Variants in ANK3 observed in about 807,000 individuals in gnomAD.
ANK3 encodes ankyrin-3.
A neutral mutation model predicts 370.9 loss-of-function variants in ANK3; 57 were observed. The ratio of observed to expected loss-of-function variants is 0.15; its 90% CI spans 0.12 to 0.19. ANK3 has a LOEUF of 0.19. ANK3 is among the 10% of genes least tolerant of loss of function. The pLI, the probability that ANK3 is intolerant of heterozygous loss-of-function variation, is 1.00. For missense variants in ANK3, 4,439 were observed against 5,302.1 expected (o/e 0.84, Z 5.06); for synonymous variants, 1,929 against 1,946.3 (o/e 0.99, Z 0.23).
In ANK3 at chr10:60,071,193, G is replaced by A. The variant is rs145590509; in HGVS notation, c.9688C>T (p.Arg3230Cys). The A allele has an allele frequency of 1.2e-5, 19 of 1,613,942 alleles. No homozygotes were observed. Among genetic ancestry groups the A allele is most frequent in the South Asian group, 5.5e-5 (5 of 91,086 alleles). Residue 3230 changes from arginine (R) to cysteine (C), a missense_variant, in exon 37 of 44, where the codon CGT becomes TGT. Arg to Cys is a radical substitution (Grantham distance 180, BLOSUM62 -3). Coordinates refer to ENST00000280772, the MANE Select transcript of ANK3 (RefSeq NM_020987.5). Reference sequence around the variant, plus strand: ...TTGCTCACGTCATTAGGCATTTCACGCTCAACTGCTGTTTCCTCCACTGTA... The same window carrying A: ...TTGCTCACGTCATTAGGCATTTCACACTCAACTGCTGTTTCCTCCACTGTA... ...QTTVEETAVEREMPNDVSKDS... is the reference protein window; with the variant it reads ...QTTVEETAVECEMPNDVSKDS...
chr10:60,199,269 C>T (rs17805456), intron 13 of ANK3, among the ~76,000 whole-genome samples: 14,394 of 152,096 alleles, frequency 0.095, 917 homozygotes, highest in Non-Finnish European at 0.14. Context: ...TGATAAGGTT[C>T]AGGTAAATGG....
Position 60,036,422 on chromosome 10 carries a change from A to ATTTTTTTTTTTTTTTT in ANK3, c.*19+6234_*19+6249dup, listed in dbSNP as rs563946588. The stretch of plus-strand genomic sequence containing the variant: ...CTGCGGAAGAGAGAGGTCAGAGGCA[A>ATTTTTTTTTTTTTTTT]TTTTTTTTTTTTTTTTTTTTTTTTT... On this transcript the variant is annotated intron_variant, in intron 43 of 43. Transcript: ENST00000280772. 8.2e-4 allele frequency among the ~76,000 whole-genome samples: 59 copies of ATTTTTTTTTTTTTTTT among 72,290 alleles called. 10 individuals are homozygous for ATTTTTTTTTTTTTTTT. Among genetic ancestry groups the ATTTTTTTTTTTTTTTT allele is most frequent in the African/African-American group, 3.4e-3 (48 of 14,242 alleles). The allele number at this position is 72,290 out of a possible 152,430, so 47.4% of individuals were successfully genotyped here. A position where few individuals can be genotyped will look rare whatever the true frequency, so the allele number is the denominator to read the frequency against.
intron 1 of ANK3, among the ~76,000 whole-genome samples, chr10:60,685,426 T>C (rs2079254816): frequency 6.6e-6 from 1 of 152,168 alleles, no homozygotes. Context: ...TGGTTCTTAA[T>C]GCCCCTCCCT....
intron 23 of ANK3, among the ~76,000 whole-genome samples, chr10:60,160,280 T>C (rs1184817603): frequency 6.6e-6 from 1 of 152,074 alleles, no homozygotes; most frequent in Non-Finnish European, 1.5e-5. Flanking sequence ...GCAACTACTA[T>C]ATGCCAATAA....
At chr10:60,173,020 G>T (rs2095835180) in intron 19 of ANK3, 22 bp from the exon 20 acceptor site, 1 of 1,607,376 alleles carries the variant, frequency 6.2e-7, no homozygotes, top group Middle Eastern at 1.7e-4. Context: ...AGATGGAAGA[G>T]ATGATTCTTA....
At position 60,196,596 on chromosome 10, in the gene ANK3, T is replaced by A. The variant is rs1591584426; in HGVS notation, c.1719A>T (p.Ala573=). The A allele has an allele frequency of 1.2e-6, 2 of 1,610,534 alleles. No homozygotes were observed. Among genetic ancestry groups the A allele is most frequent in the African/African-American group, 2.7e-5 (2 of 74,462 alleles). ...KKGFTPLHVA[A]KYGKLEVANL... is the part of the protein sequence containing the mutation. ...TGGCGACTTCAAGCTTTCCATATTTTGCTGCCACATGAAGAGGAGTAAATC... is the reference window on the plus strand; with the variant it reads ...TGGCGACTTCAAGCTTTCCATATTTAGCTGCCACATGAAGAGGAGTAAATC... Residue 573 remains alanine, a synonymous_variant, in exon 15 of 44, where the codon GCA becomes GCT. Coordinates refer to ENST00000280772, the MANE Select transcript of ANK3 (RefSeq NM_020987.5).
rs779890823 is a variant in ANK3 at position 60,055,804 on chromosome 10, G to C, written c.12919C>G (p.Leu4307Val). The C allele has an allele frequency of 6.2e-7, 1 of 1,614,156 alleles. No individual in the cohort carries two copies. Among genetic ancestry groups the C allele is most frequent in the Non-Finnish European group, 8.5e-7 (1 of 1,180,030 alleles). The change falls in exon 42 of 44, where the codon CTA becomes GTA. Residue 4307 changes from leucine (L) to valine (V), a missense_variant. By Grantham distance (32) the Leu-to-Val change is conservative. This residue lies in a region of ANK3 where 242 missense variants were observed against 228.0 expected (regional missense o/e 1.06). Transcript: ENST00000280772. The part of the protein sequence containing the change: ...ASPLAAYQKS[L>V]EETSKLIIEE... ...ATTATAAGCTTGCTGGTTTCTTCTAGAGATTTCTGATATGCTGCTAGTGGT... is the reference window on the plus strand; with the variant it reads ...ATTATAAGCTTGCTGGTTTCTTCTACAGATTTCTGATATGCTGCTAGTGGT...
At chr10:60,521,162 G>T (rs2076337831) in intron 2 of ANK3, among the ~76,000 whole-genome samples, 3 of 152,052 alleles carry the variant, frequency 2.0e-5, no homozygotes, top group African/African-American at 7.2e-5. Context: ...CAGCTTTAAA[G>T]AGGTTATTTC....
At chr10:60,602,458 T>C (rs1050025572) in intron 2 of ANK3, among the ~76,000 whole-genome samples, 2 of 152,156 alleles carry the variant, frequency 1.3e-5, no homozygotes, top group Admixed American at 6.6e-5. Flanking sequence ...TAATACAGTT[T>C]GAGTGACATA....
intron 2 of ANK3, among the ~76,000 whole-genome samples, chr10:60,558,939 A>C (rs1405595899): frequency 6.6e-6 from 1 of 152,198 alleles, no homozygotes; most frequent in Admixed American, 6.5e-5. Flanking sequence ...TGTAAAGAAG[A>C]AAATAAAGCA....
intron 2 of ANK3, among the ~76,000 whole-genome samples, chr10:60,602,409 C>T (rs1311171805): frequency 6.6e-6 from 1 of 152,124 alleles, no homozygotes; most frequent in Admixed American, 6.6e-5. Context: ...ATGGAAAATA[C>T]ACATTTGAAA....
chr10:60,468,586 T>A (rs1160242283), intron 2 of ANK3, among the ~76,000 whole-genome samples: 3 of 152,068 alleles, frequency 2.0e-5, no homozygotes. Flanking sequence ...CAATCTCTTG[T>A]TTACCATGAT....
intron 2 of ANK3, among the ~76,000 whole-genome samples, chr10:60,518,786 A>T (rs1595192339): frequency 6.6e-6 from 1 of 152,094 alleles, no homozygotes; most frequent in Admixed American, 6.5e-5. Flanking sequence ...TTGAATACAA[A>T]TTTTTTTGAT....
intron 16 of ANK3, among the ~76,000 whole-genome samples, chr10:60,195,734 A>G (rs1591573851): frequency 6.6e-6 from 1 of 152,232 alleles, no homozygotes; most frequent in East Asian, 1.9e-4. Flanking sequence ...AAAAACACAC[A>G]TGTAAAACCT....
intron 2 of ANK3, among the ~76,000 whole-genome samples, chr10:60,553,125 A>T (rs141633788): frequency 2.3e-4 from 35 of 152,298 alleles, no homozygotes; most frequent in African/African-American, 7.5e-4. Context: ...GATAAATTAC[A>T]ATTATTGAAA....
intron 25 of ANK3, among the ~76,000 whole-genome samples, chr10:60,122,969 T>C (rs1382358336): frequency 1.3e-5 from 2 of 152,292 alleles, no homozygotes; most frequent in Middle Eastern, 3.4e-3. Context: ...CTACCACAAC[T>C]TACTGTGCAT....
intron 2 of ANK3, among the ~76,000 whole-genome samples, chr10:60,473,570 C>T (rs1338508218): frequency 6.6e-6 from 1 of 151,998 alleles, no homozygotes; most frequent in African/African-American, 2.4e-5. Context: ...GTATGAAGGA[C>T]CCCTTAAGAA....
At chr10:60,101,105 A>G (rs1358269768) in intron 28 of ANK3, among the ~76,000 whole-genome samples, 1 of 152,230 alleles carries the variant, frequency 6.6e-6, no homozygotes, top group Non-Finnish European at 1.5e-5. Context: ...TACCATTTCA[A>G]TGTGTAACCA....
chr10:60,473,417 C>A (rs1220141468), intron 2 of ANK3, among the ~76,000 whole-genome samples: 1 of 152,146 alleles, frequency 6.6e-6, no homozygotes, highest in African/African-American at 2.4e-5. Context: ...CCTAAGTATT[C>A]TTTGTCTTAG....
Sources: gnomAD v4.1 joint callset for allele counts (sites outside exome capture counted in the v4.1 genomes callset) on GRCh38, gnomAD v4.1.1 for gene constraint, gnomAD v4.1.1 regional missense constraint, MANE v1.5 for transcripts, NCBI Gene and HGNC (gene_info 2026-07-23, HGNC 2026-07-21) for gene names.